Variants in KCTD2 observed in about 807,000 individuals in gnomAD.
The protein encoded by KCTD2 is potassium channel tetramerization domain containing 2, also known as BTB/POZ domain-containing protein KCTD2.
KCTD2 carries 18 observed loss-of-function variants against 27.9 expected under a neutral mutation model. The ratio of observed to expected loss-of-function variants is 0.64; its 90% CI spans 0.45 to 0.96. KCTD2 has a LOEUF of 0.96. Among genes scored for constraint, KCTD2 ranks in the 40% least tolerant of loss-of-function variants. The pLI, the probability that KCTD2 is intolerant of heterozygous loss-of-function variation, is 0.00. For synonymous variants in KCTD2, 175 were observed against 148.4 expected, an observed-to-expected ratio of 1.18 and a Z score of -1.30; for missense variants, 280 against 348.0, an observed-to-expected ratio of 0.80 and a Z score of 1.56.
intron 1 of KCTD2, 152 bp downstream of exon 1, chr17:75,047,741 C>T: frequency 2.9e-6 from 2 of 687,428 alleles, no homozygotes; most frequent in South Asian, 3.8e-5. Context: ...TCGCAGGGGC[C>T]TCAGAGGGAC....
chr17:75,060,865 TC>T (rs2073397966), intron 4 of KCTD2, among the ~76,000 whole-genome samples: 1 of 152,200 alleles, frequency 6.6e-6, no homozygotes. Flanking sequence ...ATCTCACAGA[TC>T]AAGTGCAAAG....
chr17:75,037,345 G>GAAAAA (rs56310455), intron 3 of KCTD2, among the ~76,000 whole-genome samples: 9 of 84,640 alleles, frequency 1.1e-4, no homozygotes, highest in Non-Finnish European at 1.9e-4. Context: ...TTCCATATCA[G>GAAAAA]AAAAAAAAAA....
upstream of KCTD2, among the ~76,000 whole-genome samples, chr17:75,043,088 G>T (rs1272484082): frequency 1.3e-5 from 2 of 150,878 alleles, no homozygotes; most frequent in African/African-American, 4.9e-5. Flanking sequence ...CAGCCGTGGT[G>T]GCCCGCGCCA....
At chr17:75,060,801 C>G (rs1281212289) in intron 4 of KCTD2, among the ~76,000 whole-genome samples, 1 of 152,268 alleles carries the variant, frequency 6.6e-6, no homozygotes, top group African/African-American at 2.4e-5. Context: ...CAACAGCTGT[C>G]TCACCAGATG....
chr17:75,056,742 G>A (rs560227685), intron 3 of KCTD2, among the ~76,000 whole-genome samples: 1 of 151,988 alleles, frequency 6.6e-6, no homozygotes, highest in Non-Finnish European at 1.5e-5. Context: ...GTGGATTTTC[G>A]TTTTGTTTCA....
At chr17:75,041,807 A>C in intron 3 of KCTD2, 1 of 163,590 alleles carries the variant, frequency 6.1e-6, no homozygotes, top group Non-Finnish European at 1.3e-5. Context: ...TCTGGGCTGT[A>C]GCGCGTTATG....
chr17:75,040,013 C>T (rs764915092), intron 3 of KCTD2: 2 of 1,481,016 alleles, frequency 1.4e-6, no homozygotes, highest in Non-Finnish European at 1.9e-6. Context: ...ATTTAATTCA[C>T]TCTAACTTAA....
chr17:75,033,842 CCTT>C (rs2040086705), intron 1 of KCTD2, among the ~76,000 whole-genome samples: 1 of 152,234 alleles, frequency 6.6e-6, no homozygotes, highest in Non-Finnish European at 1.5e-5. Flanking sequence ...CTCTGTCAGG[CCTT>C]CTCTAGGAAA....
At chr17:75,042,689 T>C (rs1356810542), upstream of KCTD2, 4 of 1,582,288 alleles carry the variant, frequency 2.5e-6, no homozygotes, top group South Asian at 3.5e-5. Flanking sequence ...AAAACAAGGC[T>C]TTTTTATGAG....
At chr17:75,042,715 G>C (rs2073173455), upstream of KCTD2, 2 of 1,516,438 alleles carry the variant, frequency 1.3e-6, no homozygotes, top group Non-Finnish European at 1.8e-6. Flanking sequence ...TTTTCAGTTG[G>C]GAAAAATGAT....
chr17:75,053,217 C>T, intron 3 of KCTD2, 112 bp downstream of exon 3: 1 of 811,076 alleles, frequency 1.2e-6, no homozygotes, highest in South Asian at 1.5e-5. Flanking sequence ...GTGTGGAACA[C>T]CGTTTGCAGT....
chr17:75,039,952 G>A, intron 3 of KCTD2: 2 of 860,864 alleles, frequency 2.3e-6, no homozygotes, highest in East Asian at 2.4e-5. Flanking sequence ...ATTCGTCCAT[G>A]TTGTTGCATT....
intron 3 of KCTD2, among the ~76,000 whole-genome samples, chr17:75,036,816 T>C (rs1216221298): frequency 6.6e-6 from 1 of 152,192 alleles, no homozygotes; most frequent in African/African-American, 2.4e-5. Flanking sequence ...GGTACTTCTG[T>C]TACGCACATT....
chr17:75,037,232 T>A (rs2073111333), intron 3 of KCTD2, among the ~76,000 whole-genome samples: 1 of 151,168 alleles, frequency 6.6e-6, no homozygotes, highest in African/African-American at 2.4e-5. Flanking sequence ...TACTCCCAGC[T>A]ACTCTGGAGG....
At chr17:75,048,027 G>T (rs1008298425) in intron 1 of KCTD2, among the ~76,000 whole-genome samples, 2 of 152,066 alleles carry the variant, frequency 1.3e-5, no homozygotes, top group South Asian at 2.1e-4. Flanking sequence ...ACTCCCTCTC[G>T]GACCCCTCTG....
intron 1 of KCTD2, among the ~76,000 whole-genome samples, chr17:75,048,618 T>A (rs1158040560): frequency 1.3e-5 from 2 of 152,220 alleles, no homozygotes; most frequent in Non-Finnish European, 2.9e-5. Flanking sequence ...TTCTTGTTCC[T>A]TTTACTGTAA....
At chr17:75,039,184 G>A (rs1386103686) in intron 3 of KCTD2, 1 of 1,613,946 alleles carries the variant, frequency 6.2e-7, no homozygotes, top group Non-Finnish European at 8.5e-7. Context: ...CCATATTATA[G>A]GCAACGGCTA....
intron 1 of KCTD2, among the ~76,000 whole-genome samples, chr17:75,033,862 C>G (rs567703692): frequency 2.0e-5 from 3 of 152,364 alleles, no homozygotes; most frequent in Non-Finnish European, 4.4e-5. Context: ...GAAAAGGGGA[C>G]ACTCGCTTAT....
chr17:75,039,901 T>G, intron 3 of KCTD2: 1 of 658,320 alleles, frequency 1.5e-6, no homozygotes, highest in Non-Finnish European at 2.6e-6. Flanking sequence ...ATACTCTTCT[T>G]TTTCTTGTTG....
Sources: allele counts gnomAD v4.1 joint callset (sites outside exome capture counted in the v4.1 genomes callset), GRCh38; gene constraint gnomAD v4.1.1; transcripts MANE v1.5; gene names NCBI Gene and HGNC (gene_info 2026-07-23, HGNC 2026-07-21).